Variants in GAPVD1 observed in about 807,000 individuals in gnomAD.
GAPVD1 encodes the protein GTPase-activating protein and VPS9 domain-containing protein 1.
Under a neutral mutation model 155.5 loss-of-function variants are expected in GAPVD1, and 35 were observed. The observed-to-expected ratio is 0.23, with a 90% CI of 0.17 to 0.30. GAPVD1 has a LOEUF of 0.30. Among genes scored for constraint, GAPVD1 ranks in the 10% least tolerant of loss-of-function variants. The pLI is 1.00. For missense variants in GAPVD1, 1,429 were observed against 1,775.7 expected, an observed-to-expected ratio of 0.80 and a Z score of 3.51; for synonymous variants, 636 against 619.7, an observed-to-expected ratio of 1.03 and a Z score of -0.39.
intron 13 of GAPVD1, among the ~76,000 whole-genome samples, chr9:125,330,476 G>A (rs762369469): frequency 1.4e-4 from 22 of 151,868 alleles, no homozygotes; most frequent in Non-Finnish European, 2.5e-4. Flanking sequence ...GCCCCACCAT[G>A]CCGGGTAATT....
At chr9:125,344,948 G>A (rs1174624047) in intron 19 of GAPVD1, among the ~76,000 whole-genome samples, 1 of 152,056 alleles carries the variant, frequency 6.6e-6, no homozygotes, top group Non-Finnish European at 1.5e-5. Context: ...TACTGTTATA[G>A]CAAAAATACT....
At chr9:125,319,661 G>A (rs1438740780) in intron 9 of GAPVD1, among the ~76,000 whole-genome samples, 1 of 151,076 alleles carries the variant, frequency 6.6e-6, no homozygotes, top group African/African-American at 2.4e-5. Flanking sequence ...GAGTGCAGTG[G>A]TGCAATCTCA....
At chr9:125,358,766 G>A (rs1342601758) in intron 25 of GAPVD1, among the ~76,000 whole-genome samples, 2 of 152,200 alleles carry the variant, frequency 1.3e-5, no homozygotes, top group Non-Finnish European at 2.9e-5. Flanking sequence ...TTTAGGCATA[G>A]GATAAGGAAT....
At chr9:125,360,827 C>G in intron 27 of GAPVD1, 102 bp downstream of exon 27, 1 of 842,956 alleles carries the variant, frequency 1.2e-6, no homozygotes. Context: ...TTCCAAGTCA[C>G]AAGCTCTGGG....
At chr9:125,285,071 T>C (rs965398109) in intron 2 of GAPVD1, among the ~76,000 whole-genome samples, 9 of 151,842 alleles carry the variant, frequency 5.9e-5, no homozygotes, top group Non-Finnish European at 1.2e-4. Context: ...GTTGGCAGAG[T>C]TTTTCTGTGA....
intron 1 of GAPVD1, chr9:125,264,191 G>A (rs1385676581): frequency 1.6e-6 from 1 of 628,794 alleles, no homozygotes; most frequent in Non-Finnish European, 2.9e-6. Context: ...GATCAGGGTA[G>A]TCTTTTGTTT....
intron 1 of GAPVD1, among the ~76,000 whole-genome samples, chr9:125,266,590 GGCGTGA>G (rs1834010617): frequency 6.6e-6 from 1 of 152,076 alleles, no homozygotes; most frequent in Non-Finnish European, 1.5e-5. Flanking sequence ...TGGGATTACA[GGCGTGA>G]GCCACCGCGC....
chr9:125,318,204 C>G (rs1280556341), intron 9 of GAPVD1, among the ~76,000 whole-genome samples: 1 of 152,176 alleles, frequency 6.6e-6, no homozygotes. Context: ...CCAGGTTGCT[C>G]TCAAACTCCT....
At chr9:125,310,542 T>A (rs972830504) in intron 8 of GAPVD1, among the ~76,000 whole-genome samples, 1 of 149,692 alleles carries the variant, frequency 6.7e-6, no homozygotes, top group African/African-American at 2.4e-5. Context: ...TCTTGATTTT[T>A]TTTTTTTTTT....
intron 17 of GAPVD1, among the ~76,000 whole-genome samples, chr9:125,339,556 T>G (rs888224624): frequency 1.3e-5 from 2 of 152,232 alleles, no homozygotes; most frequent in African/African-American, 2.4e-5. Flanking sequence ...ATACAGTGTT[T>G]ATTTGCTGTA....
intron 2 of GAPVD1, among the ~76,000 whole-genome samples, chr9:125,292,928 C>A (rs2132540472): frequency 6.6e-6 from 1 of 152,204 alleles, no homozygotes; most frequent in African/African-American, 2.4e-5. Context: ...AAAAGGAATT[C>A]TGGAGGGATT....
At chr9:125,333,047 G>C (rs1054127733) in intron 15 of GAPVD1, among the ~76,000 whole-genome samples, 7 of 152,098 alleles carry the variant, frequency 4.6e-5, no homozygotes, top group African/African-American at 1.4e-4. Context: ...AATTTATTTT[G>C]TAGAACTTTA....
At chr9:125,361,503 AAC>A (rs1850911416) in intron 27 of GAPVD1, among the ~76,000 whole-genome samples, 1 of 151,946 alleles carries the variant, frequency 6.6e-6, no homozygotes, top group African/African-American at 2.4e-5. Flanking sequence ...CAGCCTGGGC[AAC>A]AGAGTGAGAC....
At chr9:125,341,397 A>G (rs1316712868) in intron 18 of GAPVD1, 133 bp downstream of exon 18, 4 of 590,950 alleles carry the variant, frequency 6.8e-6, no homozygotes, top group African/African-American at 1.9e-5. Context: ...TTGAGGGTGT[A>G]GAAAGTGGTT....
chr9:125,316,547 T>G (rs1843450631), intron 9 of GAPVD1, among the ~76,000 whole-genome samples: 1 of 152,252 alleles, frequency 6.6e-6, no homozygotes, highest in South Asian at 2.1e-4. Context: ...ATGGCACATG[T>G]ATCCCTGCAA....
intron 2 of GAPVD1, among the ~76,000 whole-genome samples, chr9:125,278,501 A>T (rs146999591): frequency 0.021 from 3,267 of 151,966 alleles, 122 homozygotes; most frequent in East Asian, 0.088. Context: ...AGCCTGGGCG[A>T]CAGAGCGAGA....
At chr9:125,309,825 G>A (rs933495625) in intron 8 of GAPVD1, 4 of 250,840 alleles carry the variant, frequency 1.6e-5, no homozygotes, top group East Asian at 2.4e-4. Flanking sequence ...ATATTATTTT[G>A]TATAGTCTTG....
rs912309595 is a variant in GAPVD1, at chr9:125,292,466, C to A, written c.-149-2992C>A. Among the ~76,000 whole-genome samples, 3 of 151,400 alleles carry A rather than the reference C, an allele frequency of 2.0e-5. No homozygotes were observed. The South Asian group carries it at 6.3e-4, about 32-fold the overall frequency. On this transcript the variant is annotated intron_variant, in intron 2 of 27. Coordinates refer to ENST00000297933, the MANE Select transcript of GAPVD1 (RefSeq NM_001282680.3). ...GGAGTGCAGTGTTGTGATCTCAGCT[C>A]ACTGCAACCTCTGCCTCTCGGGTTC...
chr9:125,292,590 A>G (rs577749931), intron 2 of GAPVD1, among the ~76,000 whole-genome samples: 19 of 152,148 alleles, frequency 1.2e-4, no homozygotes, highest in Admixed American at 4.6e-4. Context: ...GGATTTCACC[A>G]TGTTGGCCAG....
Sources: gnomAD v4.1 joint callset for allele counts (sites outside exome capture counted in the v4.1 genomes callset) on GRCh38, gnomAD v4.1.1 for gene constraint, MANE v1.5 for transcripts, NCBI Gene and HGNC (gene_info 2026-07-23, HGNC 2026-07-21) for gene names.